Variants in FHIT observed in about 807,000 individuals in gnomAD.
FHIT encodes the protein fragile histidine triad diadenosine triphosphatase.
A neutral mutation model predicts 17.9 loss-of-function variants in FHIT; 19 were observed. The observed-to-expected ratio is 1.06, with a 90% CI of 0.74 to 1.56. The LOEUF is 1.56. Among genes scored for constraint, FHIT ranks in the 40% most tolerant of loss-of-function variants. The pLI, the probability that FHIT is intolerant of heterozygous loss-of-function variation, is 0.00. For missense variants in FHIT, 248 were observed against 189.2 expected (o/e 1.31, Z -1.82); for synonymous variants, 81 against 69.7 (o/e 1.16, Z -0.81).
At chr3:60,173,004 G>A (rs1001849930) in intron 5 of FHIT, among the ~76,000 whole-genome samples, 1 of 152,088 alleles carries the variant, frequency 6.6e-6, no homozygotes, top group African/African-American at 2.4e-5. Flanking sequence ...TCTCCATTCT[G>A]TATGTATATA....
intron 4 of FHIT, among the ~76,000 whole-genome samples, chr3:60,772,746 T>C (rs1302310705): frequency 2.0e-5 from 3 of 152,164 alleles, no homozygotes; most frequent in Admixed American, 6.6e-5. Context: ...GCAACTTCCC[T>C]AATTACTCCT....
chr3:60,519,147 T>C (rs1359272716), intron 5 of FHIT, among the ~76,000 whole-genome samples: 1 of 152,158 alleles, frequency 6.6e-6, no homozygotes, highest in Non-Finnish European at 1.5e-5. Flanking sequence ...TAAACTGCAG[T>C]TTTGGCAAAG....
In FHIT at chr3:59,747,867, G is replaced by T. The variant is rs1378827201; in HGVS notation, c.*1718C>A. 2.0e-5 allele frequency among the ~76,000 whole-genome samples: 3 copies of T among 152,138 alleles called. No individual in the cohort carries two copies. Among genetic ancestry groups the T allele is most frequent in the Non-Finnish European group, 4.4e-5 (3 of 68,016 alleles). Reference sequence around the variant, plus strand: ...CAAGTCTAAAGCCAGCTTGCTCTGGGTTTAAGATCTGGCCTCCACTGCTGT... The same window carrying T: ...CAAGTCTAAAGCCAGCTTGCTCTGGTTTTAAGATCTGGCCTCCACTGCTGT... On this transcript the variant is annotated 3_prime_UTR_variant, in exon 10 of 10. Transcript: ENST00000492590.
intron 5 of FHIT, among the ~76,000 whole-genome samples, chr3:60,082,678 T>G (rs1240157705): frequency 6.6e-6 from 1 of 152,152 alleles, no homozygotes; most frequent in Non-Finnish European, 1.5e-5. Context: ...CTGAATGGTG[T>G]GAAATGGTCT....
intron 4 of FHIT, among the ~76,000 whole-genome samples, chr3:60,638,699 A>G (rs2039651470): frequency 6.6e-6 from 1 of 152,106 alleles, no homozygotes; most frequent in Non-Finnish European, 1.5e-5. Flanking sequence ...TAATGTTACT[A>G]TCATAGGGAG....
chr3:61,012,363 A>G (rs1311168689), intron 3 of FHIT, among the ~76,000 whole-genome samples: 1 of 152,216 alleles, frequency 6.6e-6, no homozygotes, highest in Middle Eastern at 3.2e-3. Flanking sequence ...ATAAAATTGA[A>G]GTAGAACTAA....
chr3:60,695,106 A>G (rs1450977032), intron 4 of FHIT, among the ~76,000 whole-genome samples: 1 of 152,128 alleles, frequency 6.6e-6, no homozygotes, highest in Non-Finnish European at 1.5e-5. Context: ...AGAAATATAT[A>G]AAGGTAGGCC....
At chr3:60,863,372 A>G (rs546756575) in intron 3 of FHIT, among the ~76,000 whole-genome samples, 22 of 152,334 alleles carry the variant, frequency 1.4e-4, no homozygotes, top group Admixed American at 9.2e-4. Flanking sequence ...CCAGTGAGAC[A>G]TGTATTGGGC....
At chr3:61,156,861 C>T (rs1254698017) in intron 2 of FHIT, among the ~76,000 whole-genome samples, 1 of 152,176 alleles carries the variant, frequency 6.6e-6, no homozygotes, top group Non-Finnish European at 1.5e-5. Flanking sequence ...ATTTGCATCA[C>T]ATTATAGGAC....
At chr3:59,869,531 G>T (rs1322301334) in intron 8 of FHIT, among the ~76,000 whole-genome samples, 2 of 128,128 alleles carry the variant, frequency 1.6e-5, no homozygotes, top group East Asian at 2.6e-4. Flanking sequence ...GCCCAGGCTG[G>T]AGTGCAGTGG....
chr3:59,838,830 T>C (rs954226484), intron 8 of FHIT, among the ~76,000 whole-genome samples: 3 of 152,146 alleles, frequency 2.0e-5, no homozygotes, highest in Non-Finnish European at 4.4e-5. Flanking sequence ...AGCCCTAGAT[T>C]TGGCAAAGGT....
chr3:60,947,186 C>T (rs1708677859), intron 3 of FHIT, among the ~76,000 whole-genome samples: 1 of 152,132 alleles, frequency 6.6e-6, no homozygotes, highest in African/African-American at 2.4e-5. Context: ...ATCAGCATTT[C>T]CAATAAGCAG....
chr3:60,258,739 G>A (rs1351818941), intron 5 of FHIT, among the ~76,000 whole-genome samples: 1 of 152,070 alleles, frequency 6.6e-6, no homozygotes, highest in Non-Finnish European at 1.5e-5. Flanking sequence ...GGAAGCCTGT[G>A]TCTTTTTCTA....
intron 8 of FHIT, among the ~76,000 whole-genome samples, chr3:59,841,133 TG>T (rs1439241017): frequency 6.6e-6 from 1 of 152,138 alleles, no homozygotes; most frequent in East Asian, 1.9e-4. Context: ...GCCCCTTTGA[TG>T]GTAGAAAATG....
intron 5 of FHIT, among the ~76,000 whole-genome samples, chr3:60,037,946 T>C (rs540606304): frequency 6.6e-6 from 1 of 152,248 alleles, no homozygotes; most frequent in South Asian, 2.1e-4. Flanking sequence ...ACTCCTGAGC[T>C]CAGGCAATCT....
At chr3:60,575,266 A>AAG (rs1398653354) in intron 4 of FHIT, among the ~76,000 whole-genome samples, 2 of 152,192 alleles carry the variant, frequency 1.3e-5, no homozygotes, top group Admixed American at 1.3e-4. Context: ...AGGGCTGAGA[A>AAG]AGGTATGTCG....
chr3:60,098,940 T>G (rs1441727024), intron 5 of FHIT, among the ~76,000 whole-genome samples: 1 of 152,182 alleles, frequency 6.6e-6, no homozygotes, highest in Non-Finnish European at 1.5e-5. Flanking sequence ...TTCTGTTAGC[T>G]CACCAATGTT....
At chr3:61,165,029 T>G (rs1036031470) in intron 2 of FHIT, among the ~76,000 whole-genome samples, 1 of 152,250 alleles carries the variant, frequency 6.6e-6, no homozygotes, top group African/African-American at 2.4e-5. Context: ...ATTTTCTATA[T>G]CCAATCCACC....
intron 2 of FHIT, among the ~76,000 whole-genome samples, chr3:61,168,404 T>C (rs772560031): frequency 2.0e-5 from 3 of 152,200 alleles, no homozygotes; most frequent in Non-Finnish European, 2.9e-5. Context: ...GACAAAAGTA[T>C]GCAAAAAATG....
Sources: gnomAD v4.1 joint callset for allele counts (sites outside exome capture counted in the v4.1 genomes callset) on GRCh38, gnomAD v4.1.1 for gene constraint, MANE v1.5 for transcripts, NCBI Gene and HGNC (gene_info 2026-07-23, HGNC 2026-07-21) for gene names.